Variants in CFAP69 observed in about 807,000 individuals in gnomAD.
The protein encoded by CFAP69 is cilia and flagella associated protein 69.
Under a neutral mutation model 123.0 loss-of-function variants are expected in CFAP69, and 92 were observed. The observed-to-expected ratio is 0.75, with a 90% CI of 0.63 to 0.89. The LOEUF (loss-of-function observed/expected upper bound fraction) is 0.89. CFAP69 is among the 40% of genes least tolerant of loss of function. The pLI is 0.00. For synonymous variants in CFAP69, 380 were observed against 364.3 expected (o/e 1.04, Z -0.49); for missense variants, 1,067 against 1,096.9 (o/e 0.97, Z 0.39).
At chr7:90,294,027 T>C (rs1791576856) in intron 15 of CFAP69, among the ~76,000 whole-genome samples, 1 of 152,330 alleles carries the variant, frequency 6.6e-6, no homozygotes, top group African/African-American at 2.4e-5. Flanking sequence ...AACATCCCTC[T>C]TTTTAAGCAA....
At chr7:90,308,077 G>A (rs1286608162) in intron 21 of CFAP69, among the ~76,000 whole-genome samples, 2 of 152,158 alleles carry the variant, frequency 1.3e-5, no homozygotes, top group African/African-American at 4.8e-5. Flanking sequence ...GAGAAACAAG[G>A]CTGATGTTCT....
chr7:90,263,528 G>T (rs1255527579), intron 4 of CFAP69, among the ~76,000 whole-genome samples: 1 of 152,082 alleles, frequency 6.6e-6, no homozygotes, highest in African/African-American at 2.4e-5. Flanking sequence ...AAAGGAAAAA[G>T]TTTGGGAACA....
At chr7:90,295,824 A>T (rs1791861677) in intron 15 of CFAP69, among the ~76,000 whole-genome samples, 1 of 152,156 alleles carries the variant, frequency 6.6e-6, no homozygotes, top group Admixed American at 6.5e-5. Context: ...CATGGAGTGG[A>T]TTATTTATGC....
rs535758135 is a variant in CFAP69 at position 90,271,728 on chromosome 7, T to C, written c.682+53T>C. ...TCATTGTCAACTACTTTTGTTTATG[T>C]CTAAAAATGTCAATATTGTAAAGCA... On this transcript the variant is annotated intron_variant, in intron 7 of 22. Transcript: ENST00000389297. 241 of 1,590,620 alleles carry C rather than the reference T, an allele frequency of 1.5e-4. 1 individual carries two copies. In the African/African-American group the frequency reaches 3.0e-3, roughly 20 times the overall value.
At chr7:90,295,218 G>A (rs777968630) in intron 15 of CFAP69, among the ~76,000 whole-genome samples, 3 of 152,164 alleles carry the variant, frequency 2.0e-5, no homozygotes, top group Non-Finnish European at 4.4e-5. Context: ...TTAGCCAAAA[G>A]GGACTTTACT....
rs1794274361 is a variant in CFAP69, at chr7:90,310,982, A to C, written c.*744A>C. ...TTTCTCTGCTATAAAAGCAAATGTT[A>C]GTCATGAGCCAAATGGTAAAAAAGA... On this transcript the variant is annotated 3_prime_UTR_variant, in exon 23 of 23. Transcript: ENST00000389297. The C allele has an allele frequency of 6.6e-6, 1 of 152,194 alleles. No homozygotes were observed. The highest frequency in any genetic ancestry group is 1.5e-5 in the Non-Finnish European group (1 of 68,042). The allele number at this position is 152,194 out of a possible 1,614,324, so 9.4% of individuals were successfully genotyped here.
At chr7:90,290,233 C>T (rs181464818) in intron 15 of CFAP69, among the ~76,000 whole-genome samples, 3 of 152,258 alleles carry the variant, frequency 2.0e-5, no homozygotes, top group East Asian at 1.9e-4. Context: ...CAAGAACTAC[C>T]GTCAGCAAGT....
At chr7:90,286,140 T>A (rs1431340808) in intron 13 of CFAP69, 141 bp from the exon 14 acceptor site, 2 of 658,942 alleles carry the variant, frequency 3.0e-6, no homozygotes, top group African/African-American at 3.7e-5. Context: ...TGTCTCTTTA[T>A]AACAAATAAA....
At chr7:90,306,329 A>G (rs919272399) in intron 19 of CFAP69, among the ~76,000 whole-genome samples, 13 of 152,138 alleles carry the variant, frequency 8.5e-5, no homozygotes, top group Admixed American at 2.6e-4. Context: ...TACACTCAAG[A>G]ACGTTAACTT....
rs141116309 is a variant in CFAP69, at chr7:90,285,949, T to G, written c.1538-332T>G. On this transcript the variant is annotated intron_variant, in intron 13 of 22. Coordinates refer to ENST00000389297, the MANE Select transcript of CFAP69 (RefSeq NM_001039706.3). Reference sequence around the variant, plus strand: ...TGTATTGAAAGCTCCAGGAATTCATTTATCATCTTCTTTTCACAGCCTCTA... The same window carrying G: ...TGTATTGAAAGCTCCAGGAATTCATGTATCATCTTCTTTTCACAGCCTCTA... Among the ~76,000 whole-genome samples the G allele has an allele frequency of 8.9e-3, 1,350 of 152,304 alleles. 20 individuals are homozygous for G. The highest frequency in any genetic ancestry group is 0.03 in the African/African-American group (1,262 of 41,554).
chr7:90,284,189 G>A (rs931149180), intron 13 of CFAP69, among the ~76,000 whole-genome samples: 9 of 152,060 alleles, frequency 5.9e-5, no homozygotes, highest in East Asian at 3.9e-4. Context: ...CCCTTTAACC[G>A]GAAAGAAGCT....
intron 6 of CFAP69, among the ~76,000 whole-genome samples, chr7:90,270,566 G>C (rs1799801685): frequency 6.6e-6 from 1 of 152,088 alleles, no homozygotes; most frequent in African/African-American, 2.4e-5. Flanking sequence ...AGTAGCTAGA[G>C]CATATCATAG....
At chr7:90,248,984 A>G (rs1481022498) in intron 1 of CFAP69, among the ~76,000 whole-genome samples, 1 of 152,218 alleles carries the variant, frequency 6.6e-6, no homozygotes, top group South Asian at 2.1e-4. Flanking sequence ...TGCCCCATAA[A>G]TGGTAACTTT....
Position 90,271,527 on chromosome 7 carries a change from T to C in CFAP69, c.534T>C (p.Gly178=), listed in dbSNP as rs754072949. ...TATTTATTAATGAATTGTTGTTAGG[T>C]TACCAGCAAGCGAGTTCATCATACA... ...HAEPPKKHIP[G]YQQASSSYKI... is the part of the protein sequence containing the mutation. Residue 178 remains glycine (G), a splice_region_variant and synonymous_variant, in exon 7 of 23, where the codon GGT becomes GGC. Transcript: ENST00000389297. 4 of 1,610,030 alleles carry C rather than the reference T, an allele frequency of 2.5e-6. No homozygotes were observed. Among genetic ancestry groups the C allele is most frequent in the South Asian group, 2.2e-5 (2 of 90,380 alleles).
chr7:90,309,961 T>C (rs965332609), intron 22 of CFAP69, 107 bp from the exon 23 acceptor site: 3 of 852,968 alleles, frequency 3.5e-6, no homozygotes, highest in South Asian at 1.8e-5. Context: ...TCCTAGTTAT[T>C]CATTACATTT....
At chr7:90,265,884 G>A (rs1009901140) in intron 5 of CFAP69, 2 of 151,976 alleles carry the variant, frequency 1.3e-5, no homozygotes, top group African/African-American at 2.4e-5. Flanking sequence ...ATCATAAAAG[G>A]GTAGGCACTT....
chr7:90,291,647 A>T (rs1375055682), intron 15 of CFAP69, among the ~76,000 whole-genome samples: 1 of 152,074 alleles, frequency 6.6e-6, no homozygotes, highest in Non-Finnish European at 1.5e-5. Flanking sequence ...TTGCAGAGGG[A>T]TTAAGATCCG....
At chr7:90,267,754 C>G (rs1312951159) in intron 5 of CFAP69, among the ~76,000 whole-genome samples, 14 of 152,162 alleles carry the variant, frequency 9.2e-5, no homozygotes, top group Admixed American at 6.5e-5. Context: ...CAAAAAATTA[C>G]TGACCCTCTA....
chr7:90,311,013 A>C lies in CFAP69; in HGVS notation c.*775A>C, dbSNP rs540015021. On this transcript the variant is annotated 3_prime_UTR_variant, in exon 23 of 23. Transcript: ENST00000389297. The stretch of plus-strand genomic sequence containing the variant: ...GAGCCAAATGGTAAAAAAGAAAAAA[A>C]AATGCAGCTGGTTTTACTCTTAATA... 1.3e-5 allele frequency: 2 copies of C among 152,368 alleles called. No individual in the cohort carries two copies. The highest frequency in any genetic ancestry group is 1.3e-4 in the Admixed American group (2 of 15,312). 9.4% of individuals were successfully genotyped at this position (152,368 alleles called of 1,614,324 possible).
Sources: gnomAD v4.1 joint callset for allele counts (sites outside exome capture counted in the v4.1 genomes callset) on GRCh38, gnomAD v4.1.1 for gene constraint, MANE v1.5 for transcripts, NCBI Gene and HGNC (gene_info 2026-07-23, HGNC 2026-07-21) for gene names.